ACSS1: variants seen among roughly 807,000 people sequenced by gnomAD.
ACSS1 encodes acetyl-coenzyme A synthetase 2-like, mitochondrial.
Under a neutral mutation model 75.3 loss-of-function variants are expected in ACSS1, and 42 were observed. The ratio of observed to expected loss-of-function variants is 0.56; its 90% CI spans 0.44 to 0.72. ACSS1 has a LOEUF of 0.72. Among genes scored for constraint, ACSS1 ranks in the 30% least tolerant of loss-of-function variants. The pLI, the probability that ACSS1 is intolerant of heterozygous loss-of-function variation, is 0.00. For missense variants in ACSS1, 782 were observed against 935.7 expected (o/e 0.84, Z 2.14); for synonymous variants, 380 against 376.8 (o/e 1.01, Z -0.10).
At position 25,007,075 on chromosome 20, in the gene ACSS1, G is replaced by A; in HGVS notation, c.*687C>T. 2 of 1,438,936 alleles carry A rather than the reference G, an allele frequency of 1.4e-6. No homozygotes were observed. Among genetic ancestry groups the A allele is most frequent in the Non-Finnish European group, 1.8e-6 (2 of 1,099,514 alleles). The allele number at this position is 1,438,936 out of a possible 1,614,324, so 89.1% of individuals were successfully genotyped here. On this transcript the variant is annotated 3_prime_UTR_variant, in exon 14 of 14. Transcript: ENST00000323482. ...AGTTAGCTCCATTATACACAACCAA[G>A]CACAGGAGAAACACTCACCAGGAAA...
At chr20:25,024,703 TG>T (rs1236563706) in intron 3 of ACSS1, among the ~76,000 whole-genome samples, 1 of 152,222 alleles carries the variant, frequency 6.6e-6, no homozygotes, top group Non-Finnish European at 1.5e-5. Flanking sequence ...AGACAGACTC[TG>T]GCCTCAATGT....
rs375469469 is a variant in ACSS1, at chr20:25,023,476, G to A, written c.797C>T (p.Pro266Leu). Residue 266 changes from proline to leucine, a missense_variant, in exon 4 of 14, where the codon CCG (proline) becomes CTG (leucine). Coordinates refer to ENST00000323482, the MANE Select transcript of ACSS1 (RefSeq NM_032501.4). ...AGCGAGGTAACCCACCTGCTCCAGC[G>A]GGACGTCCAGATCCCCCATGTGGAC... ...NKVHMGDLDV[P>L]LEQEMAKEDP... is the part of the protein sequence containing the mutation. 7.1e-5 allele frequency: 115 copies of A among 1,613,860 alleles called. No homozygotes were observed. Among genetic ancestry groups the A allele is most frequent in the Middle Eastern group, 4.9e-4 (3 of 6,076 alleles).
rs373838309 is a variant in ACSS1 at position 25,007,785 on chromosome 20, C to T, written c.2047G>A (p.Asp683Asn). Residue 683 changes from aspartate to asparagine, a missense_variant, in exon 14 of 14, where the codon GAC (aspartate) becomes AAC (asparagine). This residue lies in a region of ACSS1 where 405 missense variants were observed against 552.6 expected (regional missense o/e 0.73). Coordinates refer to ENST00000323482, the MANE Select transcript of ACSS1 (RefSeq NM_032501.4). ...GCTCACTTAGCAGCAGCCTGCTTGT[C>T]CTTGCACTTCTGGTAGACACTCAGG... The part of the protein sequence containing the change: ...EILSVYQKCK[D>N]KQAAAK The T allele has an allele frequency of 6.2e-7, 1 of 1,614,166 alleles. No homozygotes were observed. Among genetic ancestry groups the T allele is most frequent in the Non-Finnish European group, 8.5e-7 (1 of 1,180,002 alleles).
chr20:25,055,342 A>C (rs1211555182), intron 1 of ACSS1, among the ~76,000 whole-genome samples: 1 of 152,240 alleles, frequency 6.6e-6, no homozygotes, highest in Non-Finnish European at 1.5e-5. Context: ...GGAAACATGC[A>C]AAGTACAGTA....
In ACSS1 at chr20:25,007,726, T is replaced by C. The variant is rs1413212535; in HGVS notation, c.*36A>G. 1 of 1,607,406 alleles carries C rather than the reference T, an allele frequency of 6.2e-7. No homozygotes were observed. Among genetic ancestry groups the C allele is most frequent in the Admixed American group, 1.7e-5 (1 of 59,750 alleles). ...TGGGAAGGACAAGCCAGGGCTTGGG[T>C]GCCCGCCCATCCCAAGAGCCCCACA... is the stretch of plus-strand genomic sequence containing the variant. On this transcript the variant is annotated 3_prime_UTR_variant, in exon 14 of 14. Coordinates refer to ENST00000323482, the MANE Select transcript of ACSS1 (RefSeq NM_032501.4).
At chr20:25,046,599 C>G (rs2089094048) in intron 2 of ACSS1, 3 of 569,050 alleles carry the variant, frequency 5.3e-6, no homozygotes, top group Non-Finnish European at 9.4e-6. Context: ...TCCTTAGCCC[C>G]CGACCCCCAA....
At chr20:25,015,011 G>A (rs186822421) in intron 8 of ACSS1, 127 bp downstream of exon 8, 22 of 724,486 alleles carry the variant, frequency 3.0e-5, no homozygotes, top group East Asian at 1.5e-4. Context: ...CAGGGTTTCC[G>A]CAGTCTCGGG....
chr20:25,017,853 T>C (rs1291598885), intron 7 of ACSS1, among the ~76,000 whole-genome samples: 5 of 152,242 alleles, frequency 3.3e-5, no homozygotes, highest in Non-Finnish European at 7.3e-5. Flanking sequence ...AAACCAAATC[T>C]TGCCCTTCAG....
In ACSS1 at chr20:25,029,982, G is replaced by A. The variant is rs185136838; in HGVS notation, c.631+777C>T. On this transcript the variant is annotated intron_variant, in intron 3 of 13. Coordinates refer to ENST00000323482, the MANE Select transcript of ACSS1 (RefSeq NM_032501.4). ...AGAGAGAGGAAGAAAAAGAGAAAGAGGTAGCAGCATCACCCTTGAACGTGG... is the reference window on the plus strand; with the variant it reads ...AGAGAGAGGAAGAAAAAGAGAAAGAAGTAGCAGCATCACCCTTGAACGTGG... 2.0e-5 allele frequency among the ~76,000 whole-genome samples: 3 copies of A among 152,352 alleles called. No homozygotes were observed. In the East Asian group the frequency reaches 5.8e-4, roughly 29 times the overall value.
intron 3 of ACSS1, among the ~76,000 whole-genome samples, chr20:25,025,036 G>A (rs1277065197): frequency 1.3e-5 from 2 of 152,226 alleles, no homozygotes; most frequent in Non-Finnish European, 2.9e-5. Context: ...GCAGGGGTTG[G>A]TCCAGGTAAG....
chr20:25,007,831 G>A lies in ACSS1; in HGVS notation c.2001C>T (p.Asp667=), dbSNP rs772987058. ...QELGDTTTLE[D]PSIIAEILSV... The stretch of plus-strand genomic sequence containing the variant: ...TCAGGATCTCTGCGATGATGCTGGG[G>A]TCCTCCAAGGTGGTAGTGTCTCCCA... The change falls in exon 14 of 14, where the codon GAC becomes GAT. Residue 667 remains aspartate (D), a synonymous_variant. Coordinates refer to ENST00000323482, the MANE Select transcript of ACSS1 (RefSeq NM_032501.4). 9.9e-6 allele frequency: 16 copies of A among 1,614,174 alleles called. No homozygotes were observed. The highest frequency in any genetic ancestry group is 1.4e-5 in the Non-Finnish European group (16 of 1,180,020).
intron 2 of ACSS1, among the ~76,000 whole-genome samples, chr20:25,045,564 A>T (rs940295117): frequency 5.3e-5 from 8 of 152,166 alleles, no homozygotes; most frequent in Non-Finnish European, 1.0e-4. Context: ...GGTTTCTTTA[A>T]AGGGCCCAGG....
intron 3 of ACSS1, among the ~76,000 whole-genome samples, chr20:25,027,661 T>C (rs1191511456): frequency 6.6e-6 from 1 of 151,232 alleles, no homozygotes; most frequent in Non-Finnish European, 1.5e-5. Context: ...ACAGCTAACA[T>C]CATATTAATG....
chr20:25,029,570 A>G (rs2088786299), intron 3 of ACSS1, among the ~76,000 whole-genome samples: 1 of 152,206 alleles, frequency 6.6e-6, no homozygotes, highest in South Asian at 2.1e-4. Flanking sequence ...CATTCATAAC[A>G]GCTCTATTCA....
At chr20:25,021,650 C>G in intron 5 of ACSS1, 114 bp from the exon 6 acceptor site, 1 of 1,380,318 alleles carries the variant, frequency 7.2e-7, no homozygotes, top group Non-Finnish European at 9.8e-7. Context: ...TGAGAGGCAG[C>G]TGGCTCCTCA....
Position 25,006,404 on chromosome 20 carries a change from C to G in ACSS1, c.*1358G>C, listed in dbSNP as rs2088307435. 1 of 168,244 alleles carries G rather than the reference C, an allele frequency of 5.9e-6. No homozygotes were observed. Among genetic ancestry groups the G allele is most frequent in the African/African-American group, 2.4e-5 (1 of 41,920 alleles). 10.4% of individuals were successfully genotyped at this position (168,244 alleles called of 1,614,324 possible). A position where few individuals can be genotyped will look rare whatever the true frequency, so the allele number is the denominator to read the frequency against. On this transcript the variant is annotated 3_prime_UTR_variant, in exon 14 of 14. Transcript: ENST00000323482. ...CCCAGGGCACAGCTTTGTTGCTAAG[C>G]CTGTAACAAAAGACCACCACTCAGT... is the stretch of plus-strand genomic sequence containing the variant.
intron 1 of ACSS1, among the ~76,000 whole-genome samples, chr20:25,049,065 C>G (rs990479805): frequency 6.6e-6 from 1 of 152,154 alleles, no homozygotes; most frequent in East Asian, 1.9e-4. Flanking sequence ...ACCCCTGTAG[C>G]CTGTTTGTAA....
intron 7 of ACSS1, among the ~76,000 whole-genome samples, chr20:25,019,445 G>T (rs1351026079): frequency 1.3e-5 from 2 of 152,238 alleles, no homozygotes; most frequent in Admixed American, 6.5e-5. Context: ...GTGCAGGATG[G>T]TATCCACTCC....
At chr20:25,053,124 C>T (rs1050644907) in intron 1 of ACSS1, among the ~76,000 whole-genome samples, 2 of 144,354 alleles carry the variant, frequency 1.4e-5, no homozygotes, top group Non-Finnish European at 3.0e-5. Context: ...AGTGCGCTGG[C>T]GTGATCTCAG....
Sources: allele counts gnomAD v4.1 joint callset (sites outside exome capture counted in the v4.1 genomes callset), GRCh38; gene constraint gnomAD v4.1.1; regional missense constraint gnomAD v4.1.1; transcripts MANE v1.5; gene names NCBI Gene and HGNC (gene_info 2026-07-23, HGNC 2026-07-21).